PLAC1: variants seen among roughly 807,000 people sequenced by gnomAD.
The protein encoded by PLAC1 is placenta associated 1.
For synonymous variants in PLAC1, 68 were observed against 62.1 expected, an observed-to-expected ratio of 1.09 and a Z score of -0.44; for missense variants, 136 against 163.2, an observed-to-expected ratio of 0.83 and a Z score of 0.91.
At chrX:134,595,945 A>G (rs1372311720) in intron 2 of PLAC1, among the ~76,000 whole-genome samples, 2 of 110,563 alleles carry the variant, frequency 1.8e-5, no homozygotes, top group Admixed American at 2.0e-4. Flanking sequence ...TCCTATGAGT[A>G]TTTGAATATT....
At chrX:134,653,325 T>C (rs774532109) in intron 1 of PLAC1, among the ~76,000 whole-genome samples, 1 of 112,265 alleles carries the variant, frequency 8.9e-6, no homozygotes, top group East Asian at 2.8e-4. Context: ...ACCAGACACA[T>C]CACTACCCAC....
intron 2 of PLAC1, among the ~76,000 whole-genome samples, chrX:134,703,943 C>A (rs2078592188): frequency 9.4e-6 from 1 of 106,866 alleles, no homozygotes; most frequent in Non-Finnish European, 1.9e-5. Flanking sequence ...TCTATGCAAT[C>A]TGTTTTCTCT....
intron 1 of PLAC1, among the ~76,000 whole-genome samples, chrX:134,622,539 C>T (rs1430319722): frequency 9.0e-6 from 1 of 111,056 alleles, no homozygotes; most frequent in Non-Finnish European, 1.9e-5. Context: ...AGAGGAATTG[C>T]AATTTGGATA....
At chrX:134,571,189 A>C (rs1039608434) in intron 2 of PLAC1, among the ~76,000 whole-genome samples, 1 of 112,257 alleles carries the variant, frequency 8.9e-6, no homozygotes, top group African/African-American at 3.2e-5. Context: ...CCCATCGTTA[A>C]ATTTTTTATG....
chrX:134,716,005 G>A (rs2147836058), intron 2 of PLAC1, among the ~76,000 whole-genome samples: 1 of 112,960 alleles, frequency 8.9e-6, no homozygotes, highest in East Asian at 2.8e-4. Context: ...GAGTGGCCAT[G>A]CACATGCTGG....
At chrX:134,620,330 A>G (rs1364541293) in intron 1 of PLAC1, among the ~76,000 whole-genome samples, 1 of 112,127 alleles carries the variant, frequency 8.9e-6, no homozygotes, top group African/African-American at 3.2e-5. Flanking sequence ...TCCAAACCCA[A>G]GTCATTCCAA....
At chrX:134,672,762 T>G (rs2147811552) in intron 2 of PLAC1, among the ~76,000 whole-genome samples, 1 of 112,976 alleles carries the variant, frequency 8.9e-6, no homozygotes, top group East Asian at 2.8e-4. Flanking sequence ...TTACTATACA[T>G]AAGTTGCTGC....
chrX:134,613,881 C>T (rs1373491855), intron 1 of PLAC1, among the ~76,000 whole-genome samples: 1 of 110,959 alleles, frequency 9.0e-6, no homozygotes, highest in African/African-American at 3.3e-5. Context: ...AGCCCCTCAC[C>T]GCCTACGAAA....
chrX:134,703,675 A>G (rs1162863020), intron 2 of PLAC1, among the ~76,000 whole-genome samples: 1 of 110,533 alleles, frequency 9.0e-6, no homozygotes, highest in African/African-American at 3.3e-5. Context: ...TTCTTTTGAG[A>G]TGATGATGTT....
At chrX:134,575,423 C>G (rs1259514709) in intron 2 of PLAC1, among the ~76,000 whole-genome samples, 1 of 105,082 alleles carries the variant, frequency 9.5e-6, no homozygotes, top group African/African-American at 3.5e-5. Context: ...ATTGCTTGAG[C>G]CCAGAGTGAG....
At chrX:134,715,270 A>T (rs1333837042) in intron 2 of PLAC1, among the ~76,000 whole-genome samples, 1 of 111,271 alleles carries the variant, frequency 9.0e-6, no homozygotes, top group Non-Finnish European at 1.9e-5. Context: ...AGCCCACTCT[A>T]AACCACCACT....
chrX:134,639,368 G>C (rs777801399), intron 1 of PLAC1, among the ~76,000 whole-genome samples: 3 of 111,603 alleles, frequency 2.7e-5, no homozygotes, highest in Non-Finnish European at 5.6e-5. Context: ...AATAATTCCA[G>C]ATGATTCTTG....
upstream of PLAC1, among the ~76,000 whole-genome samples, chrX:134,662,845 C>T (rs1317913371): frequency 8.9e-6 from 1 of 111,777 alleles, no homozygotes; most frequent in Non-Finnish European, 1.9e-5. Flanking sequence ...AGGAGAATTG[C>T]TTGAACTTGG....
chrX:134,615,090 C>T (rs1255452582), intron 1 of PLAC1, among the ~76,000 whole-genome samples: 1 of 112,134 alleles, frequency 8.9e-6, no homozygotes, highest in Non-Finnish European at 1.9e-5. Flanking sequence ...GGGTATATAT[C>T]CAGAAGGGGA....
At chrX:134,675,685 G>A (rs1309709053) in intron 2 of PLAC1, among the ~76,000 whole-genome samples, 1 of 110,141 alleles carries the variant, frequency 9.1e-6, no homozygotes, top group African/African-American at 3.3e-5. Flanking sequence ...AAAAAAGAAA[G>A]TGGCCTTTTT....
At chrX:134,691,437 G>T (rs2078541385) in intron 2 of PLAC1, among the ~76,000 whole-genome samples, 2 of 111,188 alleles carry the variant, frequency 1.8e-5, no homozygotes, top group Non-Finnish European at 3.8e-5. Context: ...TCATGGGTAA[G>T]ACTTGAGCTG....
At chrX:134,696,048 G>A (rs1385964111) in intron 2 of PLAC1, among the ~76,000 whole-genome samples, 2 of 109,888 alleles carry the variant, frequency 1.8e-5, no homozygotes, top group East Asian at 5.6e-4. Context: ...GTATAAGTAT[G>A]TCCCATGCAA....
At chrX:134,671,781 T>C (rs184462690) in intron 2 of PLAC1, among the ~76,000 whole-genome samples, 58 of 111,921 alleles carry the variant, frequency 5.2e-4, no homozygotes, top group African/African-American at 1.9e-3. Flanking sequence ...ATCCAAACCA[T>C]ATCACCAGTG....
chrX:134,729,813 C>A (rs150038940), intron 2 of PLAC1, among the ~76,000 whole-genome samples: 1 of 110,139 alleles, frequency 9.1e-6, no homozygotes, highest in South Asian at 3.9e-4. Flanking sequence ...TTTTTCGAGA[C>A]GGAGTTTCGC....
Sources: gnomAD v4.1 joint callset for allele counts (sites outside exome capture counted in the v4.1 genomes callset) on GRCh38, gnomAD v4.1.1 for gene constraint, MANE v1.5 for transcripts, NCBI Gene and HGNC (gene_info 2026-07-23, HGNC 2026-07-21) for gene names.